Variants in KCNH1 observed in about 807,000 individuals in gnomAD.
KCNH1 encodes voltage-gated delayed rectifier potassium channel KCNH1.
In KCNH1, 27 loss-of-function variants were observed where a neutral mutation model predicts 69.2. The ratio of observed to expected loss-of-function variants is 0.39; its 90% CI spans 0.29 to 0.54. The LOEUF is 0.54. Among genes scored for constraint, KCNH1 ranks in the 20% least tolerant of loss-of-function variants. KCNH1 has a pLI of 0.68. For missense variants in KCNH1, 798 were observed against 1,261.6 expected, an observed-to-expected ratio of 0.63 and a Z score of 5.57; for synonymous variants, 456 against 487.7, an observed-to-expected ratio of 0.93 and a Z score of 0.86.
At chr1:210,786,865 T>C (rs1302595276) in intron 9 of KCNH1, among the ~76,000 whole-genome samples, 2 of 152,348 alleles carry the variant, frequency 1.3e-5, no homozygotes, top group Middle Eastern at 3.4e-3. Context: ...GAAAATTTCA[T>C]ACATAAAATA....
chr1:210,734,975 A>G (rs1421354915), intron 10 of KCNH1, among the ~76,000 whole-genome samples: 1 of 152,134 alleles, frequency 6.6e-6, no homozygotes, highest in Non-Finnish European at 1.5e-5. Context: ...GACCTCTGCA[A>G]CTGGCCACTA....
Position 211,103,484 on chromosome 1 carries a change from C to T in KCNH1, c.310+12G>A, listed in dbSNP as rs1691298115. On this transcript the variant is annotated intron_variant, in intron 3 of 10. Coordinates refer to ENST00000271751, the MANE Select transcript of KCNH1 (RefSeq NM_172362.3). Reference sequence around the variant, plus strand: ...ACATAAAGGTATGGTTCAGAATGGTCTCAATACTCACTGTTCTTCTTGTAC... The same window carrying T: ...ACATAAAGGTATGGTTCAGAATGGTTTCAATACTCACTGTTCTTCTTGTAC... 1.3e-6 allele frequency: 2 copies of T among 1,520,854 alleles called. No individual in the cohort carries two copies. The highest frequency in any genetic ancestry group is 3.4e-5 in the Admixed American group (2 of 59,124). The allele number at this position is 1,520,854 out of a possible 1,614,324, so 94.2% of individuals were successfully genotyped here.
intron 7 of KCNH1, among the ~76,000 whole-genome samples, chr1:210,852,344 G>A (rs1685724297): frequency 6.6e-6 from 1 of 152,208 alleles, no homozygotes; most frequent in Non-Finnish European, 1.5e-5. Context: ...AGAGAAGGCT[G>A]GAGAGGGAGC....
intron 10 of KCNH1, among the ~76,000 whole-genome samples, chr1:210,749,896 C>A (rs1021577557): frequency 6.6e-6 from 1 of 152,108 alleles, no homozygotes; most frequent in Admixed American, 6.6e-5. Context: ...GCACACACCA[C>A]CATGCCTGGC....
At position 211,005,125 on chromosome 1, in the gene KCNH1, G is replaced by A. The variant is rs367876450; in HGVS notation, c.1032+13658C>T. 4.4e-4 allele frequency among the ~76,000 whole-genome samples: 67 copies of A among 152,082 alleles called. 1 individual carries two copies. Among genetic ancestry groups the A allele is most frequent in the Middle Eastern group, 3.4e-3 (1 of 292 alleles). On this transcript the variant is annotated intron_variant, in intron 6 of 10. Coordinates refer to ENST00000271751, the MANE Select transcript of KCNH1 (RefSeq NM_172362.3). ...ACTACATATCTTACAGACATTAAAAGATAAAGAGACATTACTTATGAACAA... is the reference window on the plus strand; with the variant it reads ...ACTACATATCTTACAGACATTAAAAAATAAAGAGACATTACTTATGAACAA...
At chr1:210,741,967 CT>C (rs1460352865) in intron 10 of KCNH1, among the ~76,000 whole-genome samples, 1 of 152,098 alleles carries the variant, frequency 6.6e-6, no homozygotes, top group African/African-American at 2.4e-5. Flanking sequence ...CTTAATTTGC[CT>C]GAAGTTAATT....
At chr1:210,960,144 TA>T (rs1432727928) in intron 6 of KCNH1, among the ~76,000 whole-genome samples, 3 of 152,228 alleles carry the variant, frequency 2.0e-5, no homozygotes, top group African/African-American at 7.2e-5. Flanking sequence ...ATGAAATGTA[TA>T]TGTCACATAA....
intron 7 of KCNH1, among the ~76,000 whole-genome samples, chr1:210,888,586 T>C (rs1419446417): frequency 2.0e-5 from 3 of 151,898 alleles, no homozygotes; most frequent in Admixed American, 6.6e-5. Context: ...GACGGAGACA[T>C]AAAAAACCCT....
chr1:210,859,936 T>G (rs4951670), intron 7 of KCNH1: 1,535,461 of 1,535,464 alleles, frequency 1, 767,729 homozygotes, highest in Middle Eastern at 1. Context: ...GCAACTTGCA[T>G]ACCCATAGTT....
In KCNH1 at chr1:211,073,984, C is replaced by G. The variant is rs1457497757; in HGVS notation, c.558+8796G>C. 3.3e-5 allele frequency among the ~76,000 whole-genome samples: 5 copies of G among 151,470 alleles called. No individual in the cohort carries two copies. In the East Asian group the frequency reaches 9.7e-4, roughly 29 times the overall value. ...GCCAGGCTAACTAAAACATACTAGC[C>G]CCTGAGATGAGACCCAGATGTTTGC... is the stretch of plus-strand genomic sequence containing the variant. On this transcript the variant is annotated intron_variant, in intron 5 of 10. Transcript: ENST00000271751.
chr1:211,088,833 G>C (rs1409270491), intron 4 of KCNH1, among the ~76,000 whole-genome samples: 2 of 149,662 alleles, frequency 1.3e-5, no homozygotes, highest in Non-Finnish European at 2.9e-5. Context: ...GTGTCTGTAA[G>C]TATGTATGTG....
At chr1:211,090,734 T>C in intron 3 of KCNH1, 44 bp from the exon 4 acceptor site, 1 of 1,562,428 alleles carries the variant, frequency 6.4e-7, no homozygotes, top group Non-Finnish European at 8.6e-7. Context: ...TGCATTCTCA[T>C]TTGAGGGGCT....
intron 6 of KCNH1, among the ~76,000 whole-genome samples, chr1:210,951,735 G>C (rs1688066250): frequency 6.6e-6 from 1 of 152,030 alleles, no homozygotes; most frequent in African/African-American, 2.4e-5. Context: ...TATATAAAAA[G>C]AGATATGGTG....
At chr1:210,771,814 C>T (rs1323020634) in intron 10 of KCNH1, among the ~76,000 whole-genome samples, 1 of 152,186 alleles carries the variant, frequency 6.6e-6, no homozygotes, top group Non-Finnish European at 1.5e-5. Flanking sequence ...GTGGCAGAAG[C>T]AGGACCCAGA....
intron 7 of KCNH1, among the ~76,000 whole-genome samples, chr1:210,844,350 G>A (rs1191581729): frequency 6.6e-6 from 1 of 152,122 alleles, no homozygotes; most frequent in African/African-American, 2.4e-5. Flanking sequence ...GGGAAATGCT[G>A]TCTCTACTAA....
At chr1:210,956,640 G>A (rs1688183265) in intron 6 of KCNH1, among the ~76,000 whole-genome samples, 1 of 149,918 alleles carries the variant, frequency 6.7e-6, no homozygotes, top group South Asian at 2.1e-4. Flanking sequence ...GTTTAGTCTT[G>A]GGAGGGTATA....
intron 10 of KCNH1, among the ~76,000 whole-genome samples, chr1:210,735,417 AGTGAGTGTGTGTGTGTGTGT>A (rs1344281124): frequency 2.0e-4 from 23 of 115,968 alleles, no homozygotes; most frequent in Admixed American, 7.0e-4. Flanking sequence ...TGAATGAGTG[AGTGAGTGTGTGTGTGTGTGT>A]GTGTGTGTGT....
intron 5 of KCNH1, among the ~76,000 whole-genome samples, chr1:211,039,018 G>A (rs369710953): frequency 2.0e-5 from 3 of 152,308 alleles, no homozygotes; most frequent in African/African-American, 7.2e-5. Flanking sequence ...GGTCTTCATG[G>A]CAGCCCCTCC....
At chr1:211,019,342 G>T (rs1182120526) in intron 5 of KCNH1, 86 bp from the exon 6 acceptor site, 4 of 809,644 alleles carry the variant, frequency 4.9e-6, no homozygotes, top group Non-Finnish European at 7.9e-6. Context: ...ATTGACAAAT[G>T]GTCACAATAC....
Sources: allele counts gnomAD v4.1 joint callset (sites outside exome capture counted in the v4.1 genomes callset), GRCh38; gene constraint gnomAD v4.1.1; transcripts MANE v1.5; gene names NCBI Gene and HGNC (gene_info 2026-07-23, HGNC 2026-07-21).